NOXA1: variants seen among roughly 807,000 people sequenced by gnomAD.
The protein encoded by NOXA1 is NADPH oxidase activator 1.
NOXA1 carries 56 observed loss-of-function variants against 64.8 expected under a neutral mutation model. That is an observed-to-expected ratio of 0.86 (90% CI 0.70 to 1.08). The LOEUF is 1.08. NOXA1 is among the 50% of genes least tolerant of loss of function. The pLI, the probability that NOXA1 is intolerant of heterozygous loss-of-function variation, is 0.00. For synonymous variants in NOXA1, 295 were observed against 294.8 expected, an observed-to-expected ratio of 1.00 and a Z score of -0.01; for missense variants, 668 against 658.5, an observed-to-expected ratio of 1.01 and a Z score of -0.16.
At chr9:137,424,568 T>C (rs1838759097) in intron 1 of NOXA1, among the ~76,000 whole-genome samples, 1 of 152,138 alleles carries the variant, frequency 6.6e-6, no homozygotes, top group Non-Finnish European at 1.5e-5. Context: ...GCCTCCCTAG[T>C]TGCTGGGAGT....
rs201540118 is a variant in NOXA1 at position 137,429,049 on chromosome 9, C to G, written c.504+33C>G. 16 of 1,504,984 alleles carry G rather than the reference C, an allele frequency of 1.1e-5. No homozygotes were observed. In the East Asian group the frequency reaches 3.3e-4, roughly 31 times the overall value. 93.2% of individuals were successfully genotyped at this position (1,504,984 alleles called of 1,614,324 possible). ...GTGCCAGCCCGGTCATGGTTTTGGG[C>G]TGGTGCCTACCAAAGCTCCTCAAGA... is the stretch of plus-strand genomic sequence containing the variant. On this transcript the variant is annotated intron_variant, in intron 4 of 13. Coordinates refer to ENST00000683555, the MANE Select transcript of NOXA1 (RefSeq NM_001256067.2).
intron 9 of NOXA1, 33 bp from the exon 10 acceptor site, chr9:137,433,172 T>C (rs1839190896): frequency 6.2e-7 from 1 of 1,609,444 alleles, no homozygotes; most frequent in Admixed American, 1.7e-5. Context: ...ACTTTGGTGG[T>C]AGTGGCTGTG....
intron 1 of NOXA1, among the ~76,000 whole-genome samples, chr9:137,423,974 A>G (rs11497278): frequency 0.86 from 130,973 of 152,176 alleles, 56,399 homozygotes; most frequent in Admixed American, 0.89. Context: ...GGCCCGAGGG[A>G]CCGCCCTGCC....
intron 1 of NOXA1, 30 bp downstream of exon 1, chr9:137,423,736 G>C: frequency 1.6e-6 from 2 of 1,243,708 alleles, no homozygotes; most frequent in Non-Finnish European, 2.0e-6. Context: ...GCCGGTGCGG[G>C]CGACGCCTCC....
At position 137,433,877 on chromosome 9, in the gene NOXA1, C is replaced by T. The variant is rs370501228; in HGVS notation, c.1179+13C>T. On this transcript the variant is annotated intron_variant, in intron 12 of 13. Transcript: ENST00000683555. ...GCTGCAGTGCAGGGTGAGCCAAGGG[C>T]GAGGCAGGGGCAGGGGCACCCTGAG... is the stretch of plus-strand genomic sequence containing the variant. 40 of 1,467,134 alleles carry T rather than the reference C, an allele frequency of 2.7e-5. No individual in the cohort carries two copies. The highest frequency in any genetic ancestry group is 2.4e-4 in the African/African-American group (17 of 70,288). The allele number at this position is 1,467,134 out of a possible 1,614,324, so 90.9% of individuals were successfully genotyped here. A position where few individuals can be genotyped will look rare whatever the true frequency, so the allele number is the denominator to read the frequency against.
chr9:137,431,456 A>T lies in NOXA1; in HGVS notation c.804+115A>T. ...TGGAGGGAGCAGCTCGCTGGGGGGT[A>T]GACGGGGCCGGGCTCACCCGTGGTC... On this transcript the variant is annotated intron_variant, in intron 8 of 13. Transcript: ENST00000683555. The surrounding 1 kb of genome is among the most constrained non-coding windows in gnomAD (Gnocchi z 5.6). The T allele has an allele frequency of 1.2e-6, 1 of 846,208 alleles. No homozygotes were observed. The highest frequency in any genetic ancestry group is 1.9e-6 in the Non-Finnish European group (1 of 532,674). The allele number at this position is 846,208 out of a possible 1,614,324, so 52.4% of individuals were successfully genotyped here.
rs754798870 is a variant in NOXA1 at position 137,423,580 on chromosome 9, T to G, written c.51T>G (p.Ala17=). Residue 17 remains alanine (A), a synonymous_variant, in exon 1 of 14, where the codon GCT becomes GCG. Transcript: ENST00000683555. ...LVRAWHLGAQ[A]VDRGDWARAL... is the part of the protein sequence containing the mutation. ...GCGCCTGGCACCTGGGCGCGCAGGC[T>G]GTGGATCGTGGGGACTGGGCCCGCG... The G allele has an allele frequency of 6.8e-7, 1 of 1,479,806 alleles. No homozygotes were observed. The highest frequency in any genetic ancestry group is 2.0e-5 in the Admixed American group (1 of 48,886). The allele number at this position is 1,479,806 out of a possible 1,614,324, so 91.7% of individuals were successfully genotyped here. A position where few individuals can be genotyped will look rare whatever the true frequency, so the allele number is the denominator to read the frequency against.
At chr9:137,426,206 A>G (rs375097764) in intron 1 of NOXA1, 42 bp from the exon 2 acceptor site, 2 of 1,546,604 alleles carry the variant, frequency 1.3e-6, no homozygotes, top group East Asian at 2.2e-5. Flanking sequence ...CTGCGTGACC[A>G]GGTTACAGAC....
rs1281421686 is a variant in NOXA1 at position 137,430,837 on chromosome 9, G to C, written c.666G>C (p.Gln222His). The change falls in exon 6 of 14, where the codon CAG becomes CAC. Residue 222 changes from glutamine to histidine, a missense_variant. Coordinates refer to ENST00000683555, the MANE Select transcript of NOXA1 (RefSeq NM_001256067.2). ...DDQGWGVRPQQPQGPGANHDA... is the reference protein window; with the variant it reads ...DDQGWGVRPQHPQGPGANHDA... ...AGGGCTGGGGCGTCCGCCCTCAGCA[G>C]CCACAGGTGGGTTTGCGGCCCCTCA... The C allele has an allele frequency of 8.8e-6, 14 of 1,586,584 alleles. No individual in the cohort carries two copies. The African/African-American group carries it at 1.3e-4, about 15-fold the overall frequency.
chr9:137,423,671 C>A lies in NOXA1; in HGVS notation c.142C>A (p.His48Asn). ...GCTGTGCTTCAACGCGGGCTGCGTG[C>A]ACCTGCTGGCCGGGGACCCCGAGGC... ...ARLCFNAGCV[H>N]LLAGDPEAAL... The change falls in exon 1 of 14, where the codon CAC becomes AAC. Residue 48 changes from histidine (H) to asparagine (N), a missense_variant. His to Asn is a moderately conservative substitution (Grantham distance 68). Transcript: ENST00000683555. 7.2e-7 allele frequency: 1 copy of A among 1,381,906 alleles called. No individual in the cohort carries two copies. Among genetic ancestry groups the A allele is most frequent in the Non-Finnish European group, 9.4e-7 (1 of 1,065,818 alleles). The allele number at this position is 1,381,906 out of a possible 1,614,324, so 85.6% of individuals were successfully genotyped here.
In NOXA1 at chr9:137,433,474, G is replaced by A. The variant is rs752857248; in HGVS notation, c.931G>A (p.Glu311Lys). ...CCAGGGAGCAGGTGCAGGGGGCTCC[G>A]AGCCCCTGGTGACTGTCACCGTGCA... ...GAGGAGAGGS[E>K]PLVTVTVQCA... Residue 311 changes from glutamate (E) to lysine (K), a missense_variant, in exon 11 of 14, where the codon GAG (glutamate) becomes AAG (lysine). Glu to Lys is a moderately conservative substitution (Grantham distance 56). Transcript: ENST00000683555. The A allele has an allele frequency of 3.4e-5, 54 of 1,602,404 alleles. No homozygotes were observed. Among genetic ancestry groups the A allele is most frequent in the Admixed American group, 1.3e-4 (8 of 59,740 alleles).
rs1482713963 is a variant in NOXA1 at position 137,433,935 on chromosome 9, C to A, written c.1180-30C>A. On this transcript the variant is annotated intron_variant, in intron 12 of 13. Transcript: ENST00000683555. Reference sequence around the variant, plus strand: ...GGAGGCCCCTCCTCCCAGTGCCCGGCCCGACCTGCAGCCCACTCTCCTGCC... The same window carrying A: ...GGAGGCCCCTCCTCCCAGTGCCCGGACCGACCTGCAGCCCACTCTCCTGCC... The A allele has an allele frequency of 4.6e-6, 7 of 1,527,316 alleles. No individual in the cohort carries two copies. In the Admixed American group the frequency reaches 1.0e-4, roughly 22 times the overall value. 94.6% of individuals were successfully genotyped at this position (1,527,316 alleles called of 1,614,324 possible). A position where few individuals can be genotyped will look rare whatever the true frequency, so the allele number is the denominator to read the frequency against.
rs1839175836 is a variant in NOXA1 at position 137,432,922 on chromosome 9, T to C, written c.805-107T>C. The C allele has an allele frequency of 5.6e-6, 7 of 1,253,146 alleles. No homozygotes were observed. In the Admixed American group the frequency reaches 7.9e-5, roughly 14 times the overall value. 77.6% of individuals were successfully genotyped at this position (1,253,146 alleles called of 1,614,324 possible). ...CAACACCCACAGACCACCTGCTGGG[T>C]GCTGGCCGGGCACACAGGCCACACC... On this transcript the variant is annotated intron_variant, in intron 8 of 13. Transcript: ENST00000683555.
At position 137,433,801 on chromosome 9, in the gene NOXA1, G is replaced by A. The variant is rs556320427; in HGVS notation, c.1116G>A (p.Glu372=). ...DGHWVPIPEE[E]SLQRAWQDAA... ...ACTGGGTCCCCATCCCCGAGGAGGA[G>A]TCGCTGCAGAGGGCCTGGCAGGACG... Residue 372 remains glutamate, a synonymous_variant, in exon 12 of 14, where the codon GAG becomes GAA. Coordinates refer to ENST00000683555, the MANE Select transcript of NOXA1 (RefSeq NM_001256067.2). The A allele has an allele frequency of 9.9e-5, 144 of 1,453,800 alleles. 3 individuals carry two copies. The South Asian group carries it at 2.0e-3, about 20-fold the overall frequency. 90.1% of individuals were successfully genotyped at this position (1,453,800 alleles called of 1,614,324 possible).
At chr9:137,429,130 C>A in intron 4 of NOXA1, 114 bp downstream of exon 4, 1 of 1,296,618 alleles carries the variant, frequency 7.7e-7, no homozygotes, top group Non-Finnish European at 1.0e-6. Flanking sequence ...TGCCCAGTTT[C>A]GGGTGCCAGG....
Position 137,433,456 on chromosome 9 carries a change from G to T in NOXA1, c.913G>T (p.Ala305Ser). ...TCCCCCTCCTGCCTGGACCCAGGGA[G>T]CAGGTGCAGGGGGCTCCGAGCCCCT... Reference protein sequence around the residue: ...PCEDPAGAGGAGAGGSEPLVT... With the variant: ...PCEDPAGAGGSGAGGSEPLVT... Residue 305 changes from alanine to serine, a missense_variant, in exon 11 of 14, where the codon GCA becomes TCA. Coordinates refer to ENST00000683555, the MANE Select transcript of NOXA1 (RefSeq NM_001256067.2). 6.3e-7 allele frequency: 1 copy of T among 1,598,150 alleles called. No individual in the cohort carries two copies.
chr9:137,433,287 C>CT, intron 10 of NOXA1, 24 bp downstream of exon 10: 4 of 1,543,620 alleles, frequency 2.6e-6, no homozygotes, highest in Non-Finnish European at 3.5e-6. Flanking sequence ...GACCCTTCAC[C>CT]TGTCAGTCAC....
At chr9:137,429,493 G>A in intron 5 of NOXA1, 110 bp downstream of exon 5, 1 of 760,012 alleles carries the variant, frequency 1.3e-6, no homozygotes, top group Admixed American at 3.0e-5. Flanking sequence ...GGCCAGGAGG[G>A]TAGAGAGTGG....
Position 137,434,390 on chromosome 9 carries a change from AAAC to A in NOXA1, c.*34_*36del. The A allele has an allele frequency of 6.5e-7, 1 of 1,539,574 alleles. No homozygotes were observed. The highest frequency in any genetic ancestry group is 8.7e-7 in the Non-Finnish European group (1 of 1,142,974). ...GCTGTGTCCATGATGCTTTTAATAA[AAAC>A]AACCCCCACTGCAGTCTCACCCTCC... On this transcript the variant is annotated 3_prime_UTR_variant, in exon 14 of 14. Transcript: ENST00000683555.
Sources: allele counts gnomAD v4.1 joint callset (sites outside exome capture counted in the v4.1 genomes callset), GRCh38; gene constraint gnomAD v4.1.1; non-coding constraint Gnocchi (gnomAD v3.1); transcripts MANE v1.5; gene names NCBI Gene and HGNC (gene_info 2026-07-23, HGNC 2026-07-21).